ITPR2: variants seen among roughly 807,000 people sequenced by gnomAD.
ITPR2 encodes inositol 1,4,5-trisphosphate receptor type 2.
Under a neutral mutation model 317.1 loss-of-function variants are expected in ITPR2, and 207 were observed. The ratio of observed to expected loss-of-function variants is 0.65; its 90% confidence interval spans 0.58 to 0.73. The LOEUF is 0.73. ITPR2 is among the 30% of genes least tolerant of loss of function. The pLI, the probability that ITPR2 is intolerant of heterozygous loss-of-function variation, is 0.00. For missense variants in ITPR2, 2,613 were observed against 3,284.0 expected, an observed-to-expected ratio of 0.80 and a Z score of 4.99; for synonymous variants, 1,156 against 1,149.1, an observed-to-expected ratio of 1.01 and a Z score of -0.12.
intron 26 of ITPR2, among the ~76,000 whole-genome samples, chr12:26,607,838 T>C (rs1946171557): frequency 6.6e-6 from 1 of 152,122 alleles, no homozygotes; most frequent in South Asian, 2.1e-4. Context: ...CCCAGCACTT[T>C]GGGAGGCCGA....
chr12:26,605,130 T>C (rs887395695), intron 26 of ITPR2, among the ~76,000 whole-genome samples: 2 of 106,028 alleles, frequency 1.9e-5, no homozygotes, highest in Non-Finnish European at 4.8e-5. Flanking sequence ...AATAAAAATA[T>C]ATATATATAT....
chr12:26,821,239 T>G (rs1390852313), intron 1 of ITPR2, among the ~76,000 whole-genome samples: 1 of 152,216 alleles, frequency 6.6e-6, no homozygotes, highest in Non-Finnish European at 1.5e-5. Flanking sequence ...CTTTGTTCTC[T>G]TTCTCCCATA....
intron 34 of ITPR2, among the ~76,000 whole-genome samples, chr12:26,562,781 G>C (rs902611230): frequency 6.6e-6 from 1 of 151,970 alleles, no homozygotes; most frequent in East Asian, 1.9e-4. Context: ...TGGGGGAAGG[G>C]GGGGAGGGAT....
At chr12:26,484,028 C>T (rs1413309319) in intron 41 of ITPR2, 130 bp from the exon 42 acceptor site, 2 of 758,930 alleles carry the variant, frequency 2.6e-6, no homozygotes, top group Non-Finnish European at 4.2e-6. Flanking sequence ...TTAAAACTGT[C>T]CTCCACTTAA....
intron 2 of ITPR2, among the ~76,000 whole-genome samples, chr12:26,756,313 G>GA (rs941545902): frequency 2.0e-5 from 3 of 151,582 alleles, no homozygotes; most frequent in East Asian, 1.9e-4. Flanking sequence ...CTGCTGCTCA[G>GA]AAAAAAAACA....
intron 26 of ITPR2, among the ~76,000 whole-genome samples, chr12:26,617,535 G>C (rs1440781647): frequency 6.6e-6 from 1 of 151,750 alleles, no homozygotes; most frequent in African/African-American, 2.4e-5. Flanking sequence ...ATATTCTATA[G>C]CTCATTTTAT....
Position 26,602,605 on chromosome 12 carries a change from G to T in ITPR2, c.3552+12C>A. 1.3e-6 allele frequency: 2 copies of T among 1,597,268 alleles called. No individual in the cohort carries two copies. The highest frequency in any genetic ancestry group is 1.7e-6 in the Non-Finnish European group (2 of 1,166,112). The stretch of plus-strand genomic sequence containing the variant: ...ATATAAACCTATATAAGAATATTTT[G>T]TATCTGCCGACCTCCTTTACAATCC... On this transcript the variant is annotated intron_variant, in intron 27 of 56. Coordinates refer to ENST00000381340, the MANE Select transcript of ITPR2 (RefSeq NM_002223.4).
rs375439926 is a variant in ITPR2 at position 26,828,634 on chromosome 12, T to C, written c.92+4056A>G. On this transcript the variant is annotated intron_variant, in intron 1 of 56. Coordinates refer to ENST00000381340, the MANE Select transcript of ITPR2 (RefSeq NM_002223.4). ...TAAGCCATTATGAAATTAAATGGGATTATTTCTCAATAGCTGAAACTTTTT... is the reference window on the plus strand; with the variant it reads ...TAAGCCATTATGAAATTAAATGGGACTATTTCTCAATAGCTGAAACTTTTT... Among the ~76,000 whole-genome samples the C allele has an allele frequency of 1.8e-4, 28 of 152,350 alleles. No homozygotes were observed. The East Asian group carries it at 3.5e-3, about 19-fold the overall frequency.
chr12:26,347,765 T>C (rs1938353363), intron 55 of ITPR2, among the ~76,000 whole-genome samples: 1 of 152,236 alleles, frequency 6.6e-6, no homozygotes. Flanking sequence ...GATTGATTTA[T>C]TAAAAATCAG....
chr12:26,584,782 T>C (rs974475155), intron 32 of ITPR2, among the ~76,000 whole-genome samples: 8 of 152,222 alleles, frequency 5.3e-5, no homozygotes, highest in African/African-American at 7.2e-5. Context: ...GCGGCTACTC[T>C]ACAGGGCAGG....
chr12:26,560,917 T>C (rs1049068901), intron 35 of ITPR2, among the ~76,000 whole-genome samples: 1 of 152,214 alleles, frequency 6.6e-6, no homozygotes, highest in African/African-American at 2.4e-5. Context: ...CCATGCAATA[T>C]TCTACTAATT....
At chr12:26,621,369 A>G (rs1190740796) in intron 25 of ITPR2, 73 bp from the exon 26 acceptor site, 2 of 1,177,534 alleles carry the variant, frequency 1.7e-6, no homozygotes, top group Non-Finnish European at 1.2e-6. Flanking sequence ...TTAGATGTAT[A>G]TTGACCATGA....
intron 4 of ITPR2, among the ~76,000 whole-genome samples, chr12:26,723,035 T>A (rs1948863711): frequency 1.3e-5 from 2 of 152,110 alleles, no homozygotes; most frequent in African/African-American, 4.8e-5. Flanking sequence ...CAGCTGCTCA[T>A]CCTAAATAGG....
chr12:26,449,118 C>T (rs1941678838), intron 45 of ITPR2, among the ~76,000 whole-genome samples: 2 of 151,794 alleles, frequency 1.3e-5, no homozygotes, highest in Non-Finnish European at 2.9e-5. Context: ...AATAATTATT[C>T]CCTAGTACTT....
chr12:26,418,766 G>A (rs1212433726), intron 50 of ITPR2, among the ~76,000 whole-genome samples: 1 of 152,116 alleles, frequency 6.6e-6, no homozygotes, highest in Non-Finnish European at 1.5e-5. Context: ...TTAGTTGGCT[G>A]AAAGCAAAAG....
chr12:26,506,796 T>TA (rs1943199412), intron 37 of ITPR2, among the ~76,000 whole-genome samples: 1 of 152,102 alleles, frequency 6.6e-6, no homozygotes, highest in Non-Finnish European at 1.5e-5. Context: ...CGTATTTTAC[T>TA]AAAAAACAAA....
At chr12:26,684,615 A>G (rs1948093197) in intron 11 of ITPR2, among the ~76,000 whole-genome samples, 2 of 152,230 alleles carry the variant, frequency 1.3e-5, no homozygotes, top group South Asian at 4.1e-4. Flanking sequence ...TGACAGATGA[A>G]TCGATGTTAA....
intron 34 of ITPR2, among the ~76,000 whole-genome samples, chr12:26,570,293 G>A (rs1256451990): frequency 6.6e-6 from 1 of 152,096 alleles, no homozygotes; most frequent in Non-Finnish European, 1.5e-5. Flanking sequence ...AGATAATGAG[G>A]AATCATTATA....
At chr12:26,604,858 G>A (rs1472247246) in intron 26 of ITPR2, among the ~76,000 whole-genome samples, 2 of 152,106 alleles carry the variant, frequency 1.3e-5, no homozygotes. Flanking sequence ...CACTTTGGGA[G>A]GCCAAGGCAG....
Sources: gnomAD v4.1 joint callset for allele counts (sites outside exome capture counted in the v4.1 genomes callset) on GRCh38, gnomAD v4.1.1 for gene constraint, MANE v1.5 for transcripts, NCBI Gene and HGNC (gene_info 2026-07-23, HGNC 2026-07-21) for gene names.